CIMIP2C: variants seen among roughly 807,000 people sequenced by gnomAD.
The protein encoded by CIMIP2C is ciliary microtubule inner protein 2C, also known as UPF0573 protein C2orf70.
At chr2:26,565,897 C>T in the CIMIP2C span, among the ~76,000 whole-genome samples, 41 of 152,238 alleles carry the variant, frequency 2.7e-4, no homozygotes, top group African/African-American at 7.5e-4. Flanking sequence ...CCATGCTGTT[C>T]CTGGGGACAC....
At chr2:26,578,876 G>A in the CIMIP2C span, 1 of 472,134 alleles carries the variant, frequency 2.1e-6, no homozygotes, top group South Asian at 1.5e-5. Context: ...CCTGGGGCAA[G>A]CCCCTCCCTC....
chr2:26,572,917 C>T, the CIMIP2C span, among the ~76,000 whole-genome samples: 1 of 152,210 alleles, frequency 6.6e-6, no homozygotes, highest in African/African-American at 2.4e-5. Flanking sequence ...CAGCATCTCC[C>T]CATCACTTGT....
the CIMIP2C span, among the ~76,000 whole-genome samples, chr2:26,574,786 G>T: frequency 6.6e-6 from 1 of 152,236 alleles, no homozygotes; most frequent in Non-Finnish European, 1.5e-5. Context: ...TTTCAGGAAG[G>T]GAGAGGTGGG....
chr2:26,569,800 G>C, the CIMIP2C span, among the ~76,000 whole-genome samples: 2 of 152,146 alleles, frequency 1.3e-5, no homozygotes, highest in Admixed American at 6.5e-5. Flanking sequence ...GGTTGAAGGG[G>C]AGGTGTGGTG....
the CIMIP2C span, among the ~76,000 whole-genome samples, chr2:26,563,948 C>G: frequency 6.6e-6 from 1 of 152,170 alleles, no homozygotes; most frequent in Admixed American, 6.5e-5. Flanking sequence ...AGCTGATTTA[C>G]CAGGTCATGG....
chr2:26,569,848 C>G, the CIMIP2C span, among the ~76,000 whole-genome samples: 1 of 152,312 alleles, frequency 6.6e-6, no homozygotes, highest in Admixed American at 6.5e-5. Flanking sequence ...ACTCGATGCC[C>G]TGTTATAAAA....
the CIMIP2C span, chr2:26,579,107 C>A: frequency 1.6e-6 from 1 of 622,610 alleles, no homozygotes; most frequent in East Asian, 2.9e-5. Flanking sequence ...CACTCTTAAC[C>A]ACTGTGCCAT....
At chr2:26,579,116 A>G in the CIMIP2C span, 46 of 642,190 alleles carry the variant, frequency 7.2e-5, no homozygotes, top group African/African-American at 7.9e-4. Context: ...CCACTGTGCC[A>G]TTATGTAAAT....
chr2:26,570,774 G>GCC, the CIMIP2C span, among the ~76,000 whole-genome samples: 1 of 152,222 alleles, frequency 6.6e-6, no homozygotes, highest in Non-Finnish European at 1.5e-5. Flanking sequence ...TGGCTCTGGT[G>GCC]CTGTATGGAC....
At chr2:26,571,829 A>G in the CIMIP2C span, among the ~76,000 whole-genome samples, 1 of 152,176 alleles carries the variant, frequency 6.6e-6, no homozygotes, top group Admixed American at 6.5e-5. Flanking sequence ...GGACGGATGG[A>G]TGGATGGATA....
chr2:26,572,671 G>A, the CIMIP2C span, among the ~76,000 whole-genome samples: 9 of 152,346 alleles, frequency 5.9e-5, no homozygotes, highest in East Asian at 1.7e-3. Context: ...AGAGGAATGT[G>A]GCTGTTAGAG....
chr2:26,578,757 C>A, the CIMIP2C span: 7 of 471,080 alleles, frequency 1.5e-5, no homozygotes, highest in Middle Eastern at 1.3e-3. Flanking sequence ...CGGGACATCT[C>A]AACTCTGTTC....
chr2:26,575,488 C>G, the CIMIP2C span, among the ~76,000 whole-genome samples: 3 of 152,186 alleles, frequency 2.0e-5, no homozygotes, highest in African/African-American at 7.2e-5. Flanking sequence ...ATCTGGTGTT[C>G]TGGCCCCTGT....
the CIMIP2C span, chr2:26,575,961 C>A: frequency 6.2e-6 from 10 of 1,613,952 alleles, no homozygotes; most frequent in Middle Eastern, 1.6e-4. Context: ...GGCACCACCA[C>A]CCTCAAGTAC....
At chr2:26,576,196 C>T in the CIMIP2C span, 9 of 1,598,782 alleles carry the variant, frequency 5.6e-6, no homozygotes, top group African/African-American at 2.7e-5. Flanking sequence ...TGGGGCTGCC[C>T]TGTGGCCTCC....
chr2:26,579,325 C>G, the CIMIP2C span: 1 of 1,614,062 alleles, frequency 6.2e-7, no homozygotes, highest in Non-Finnish European at 8.5e-7. Flanking sequence ...GAAGTGGCAC[C>G]TTTTAAGACT....
chr2:26,572,736 C>A, the CIMIP2C span, among the ~76,000 whole-genome samples: 1 of 152,194 alleles, frequency 6.6e-6, no homozygotes, highest in African/African-American at 2.4e-5. Context: ...GCCTCCTCCC[C>A]ACGGGCAGAG....
At chr2:26,577,300 G>A in the CIMIP2C span, among the ~76,000 whole-genome samples, 1 of 152,178 alleles carries the variant, frequency 6.6e-6, no homozygotes, top group Non-Finnish European at 1.5e-5. Flanking sequence ...GGTGGGTGTC[G>A]TTATTCCCAT....
At chr2:26,579,237 C>T in the CIMIP2C span, 59 of 1,589,388 alleles carry the variant, frequency 3.7e-5, no homozygotes, top group African/African-American at 1.8e-4. Context: ...TGGGTGGGCA[C>T]GCACCACCTT....
Sources: allele counts gnomAD v4.1 joint callset (sites outside exome capture counted in the v4.1 genomes callset), GRCh38; gene constraint gnomAD v4.1.1; transcripts MANE v1.5; gene names NCBI Gene and HGNC (gene_info 2026-07-23, HGNC 2026-07-21).